SPATA6: variants seen among roughly 807,000 people sequenced by gnomAD.
The protein encoded by SPATA6 is spermatogenesis associated 6, also known as spermatogenesis-associated protein 6.
In SPATA6, 56 loss-of-function variants were observed where a neutral mutation model predicts 65.3. That is an observed-to-expected ratio of 0.86 (90% CI 0.69 to 1.07). The LOEUF is 1.07. Among genes scored for constraint, SPATA6 ranks in the 50% least tolerant of loss-of-function variants. The pLI, the probability that SPATA6 is intolerant of heterozygous loss-of-function variation, is 0.00. For synonymous variants in SPATA6, 199 were observed against 213.2 expected (o/e 0.93, Z 0.58); for missense variants, 590 against 594.8 (o/e 0.99, Z 0.08).
chr1:48,335,980 A>G (rs950139593), intron 11 of SPATA6, among the ~76,000 whole-genome samples: 1 of 152,196 alleles, frequency 6.6e-6, no homozygotes. Flanking sequence ...GGACATGAAC[A>G]GACACTTTTG....
chr1:48,375,288 C>G (rs946811732), intron 9 of SPATA6, among the ~76,000 whole-genome samples: 2 of 151,806 alleles, frequency 1.3e-5, no homozygotes, highest in African/African-American at 4.9e-5. Context: ...AGGGAGAAAT[C>G]TGTCTCATTA....
At chr1:48,362,962 A>C (rs1646862244) in intron 9 of SPATA6, among the ~76,000 whole-genome samples, 1 of 152,154 alleles carries the variant, frequency 6.6e-6, no homozygotes, top group South Asian at 2.1e-4. Flanking sequence ...GTACCAAACA[A>C]AGTAGGAAAC....
At chr1:48,435,779 C>T (rs1371638164) in intron 3 of SPATA6, among the ~76,000 whole-genome samples, 2 of 152,170 alleles carry the variant, frequency 1.3e-5, no homozygotes, top group Non-Finnish European at 2.9e-5. Flanking sequence ...CTAGAGCACT[C>T]GCCTCGCCCC....
At chr1:48,388,025 G>A (rs1469669476) in intron 8 of SPATA6, among the ~76,000 whole-genome samples, 2 of 152,104 alleles carry the variant, frequency 1.3e-5, no homozygotes, top group Non-Finnish European at 2.9e-5. Flanking sequence ...AGAGGCCCAT[G>A]AATCAGTCCA....
chr1:48,358,183 T>A (rs1253116138), intron 10 of SPATA6, among the ~76,000 whole-genome samples: 1 of 151,962 alleles, frequency 6.6e-6, no homozygotes, highest in African/African-American at 2.4e-5. Context: ...CAATGACAAA[T>A]TGATCAATCC....
At chr1:48,344,623 TCAAGAGACC>T (rs1335570536) in intron 11 of SPATA6, among the ~76,000 whole-genome samples, 2 of 152,038 alleles carry the variant, frequency 1.3e-5, no homozygotes, top group African/African-American at 4.8e-5. Context: ...TATGCTGTCT[TCAAGAGACC>T]CAAGAGACAT....
At chr1:48,456,810 G>A (rs1657040729) in intron 1 of SPATA6, among the ~76,000 whole-genome samples, 2 of 152,088 alleles carry the variant, frequency 1.3e-5, no homozygotes, top group African/African-American at 2.4e-5. Flanking sequence ...CTGAAAATAC[G>A]TCAATTAAAA....
chr1:48,457,868 C>T (rs1307770190), intron 1 of SPATA6, among the ~76,000 whole-genome samples: 1 of 151,880 alleles, frequency 6.6e-6, no homozygotes, highest in Non-Finnish European at 1.5e-5. Flanking sequence ...ATGCATTTTT[C>T]TCTTATTTCT....
chr1:48,298,056 T>C lies in SPATA6; in HGVS notation c.*657A>G, dbSNP rs1644846235. ...TATCTTTAAAAATTAGTTATTCAAA[T>C]TTTTGATCATCCATGGCACTGATAT... is the stretch of plus-strand genomic sequence containing the variant. On this transcript the variant is annotated 3_prime_UTR_variant, in exon 13 of 13. Coordinates refer to ENST00000371847, the MANE Select transcript of SPATA6 (RefSeq NM_019073.4). 1 of 152,320 alleles carries C rather than the reference T, an allele frequency of 6.6e-6. No homozygotes were observed. Among genetic ancestry groups the C allele is most frequent in the Middle Eastern group, 3.4e-3 (1 of 294 alleles). The allele number at this position is 152,320 out of a possible 1,614,324, so 9.4% of individuals were successfully genotyped here. A position where few individuals can be genotyped will look rare whatever the true frequency, so the allele number is the denominator to read the frequency against.
At chr1:48,305,516 T>C (rs1449170288) in intron 12 of SPATA6, among the ~76,000 whole-genome samples, 1 of 152,094 alleles carries the variant, frequency 6.6e-6, no homozygotes, top group Non-Finnish European at 1.5e-5. Context: ...AGAACTATTT[T>C]TTATATTAAA....
intron 3 of SPATA6, among the ~76,000 whole-genome samples, chr1:48,423,924 C>G (rs574160932): frequency 6.6e-6 from 1 of 152,262 alleles, no homozygotes; most frequent in South Asian, 2.1e-4. Context: ...TGTTTTAATA[C>G]AGACAGCAAT....
chr1:48,430,708 T>C (rs777471727), intron 3 of SPATA6, among the ~76,000 whole-genome samples: 9 of 152,196 alleles, frequency 5.9e-5, no homozygotes, highest in Non-Finnish European at 1.0e-4. Flanking sequence ...ATGTAATTAG[T>C]GTTACAACAT....
chr1:48,453,201 T>C (rs571243940), intron 1 of SPATA6, 70 bp from the exon 2 acceptor site: 2 of 1,451,360 alleles, frequency 1.4e-6, no homozygotes, highest in Non-Finnish European at 9.2e-7. Context: ...TAAAATAACT[T>C]ATCAAATATT....
intron 3 of SPATA6, among the ~76,000 whole-genome samples, chr1:48,431,079 A>G (rs1450796728): frequency 2.0e-5 from 3 of 152,160 alleles, no homozygotes; most frequent in Non-Finnish European, 4.4e-5. Context: ...ATGGGAAAAG[A>G]TATTCCATGC....
At chr1:48,317,346 C>T (rs1291619687) in intron 11 of SPATA6, among the ~76,000 whole-genome samples, 1 of 152,094 alleles carries the variant, frequency 6.6e-6, no homozygotes, top group African/African-American at 2.4e-5. Flanking sequence ...ACTATGCAGC[C>T]ATAAAAAATG....
At chr1:48,430,994 A>T (rs781334789) in intron 3 of SPATA6, among the ~76,000 whole-genome samples, 1 of 152,182 alleles carries the variant, frequency 6.6e-6, no homozygotes, top group Non-Finnish European at 1.5e-5. Context: ...GGATAAAAAC[A>T]TATGACCTGG....
chr1:48,275,073 T>G, the SPATA6 span, among the ~76,000 whole-genome samples: 1 of 152,304 alleles, frequency 6.6e-6, no homozygotes, highest in Middle Eastern at 3.4e-3. Flanking sequence ...TAAGTTTTAT[T>G]CCTAGGTATT....
the SPATA6 span, among the ~76,000 whole-genome samples, chr1:48,282,027 C>A: frequency 1.4e-4 from 21 of 152,120 alleles, 1 homozygote; most frequent in African/African-American, 5.1e-4. Flanking sequence ...AGAAATAACG[C>A]CACGTATCTA....
At chr1:48,374,748 T>C (rs1647693114) in intron 9 of SPATA6, among the ~76,000 whole-genome samples, 1 of 152,132 alleles carries the variant, frequency 6.6e-6, no homozygotes, top group African/African-American at 2.4e-5. Flanking sequence ...TTGTCAAGAC[T>C]TTCTTTAAGA....
Sources: allele counts gnomAD v4.1 joint callset (sites outside exome capture counted in the v4.1 genomes callset), GRCh38; gene constraint gnomAD v4.1.1; transcripts MANE v1.5; gene names NCBI Gene and HGNC (gene_info 2026-07-23, HGNC 2026-07-21).